Variants in TMTC2 observed in about 807,000 individuals in gnomAD.
TMTC2 encodes protein O-mannosyl-transferase TMTC2.
A neutral mutation model predicts 82.4 loss-of-function variants in TMTC2; 43 were observed. That is an observed-to-expected ratio of 0.52 (90% confidence interval 0.41 to 0.67). The LOEUF is 0.67. Among genes scored for constraint, TMTC2 ranks in the 30% least tolerant of loss-of-function variants. The pLI, the probability that TMTC2 is intolerant of heterozygous loss-of-function variation, is 0.00. For synonymous variants in TMTC2, 408 were observed against 381.9 expected (o/e 1.07, Z -0.80); for missense variants, 919 against 1,012.4 (o/e 0.91, Z 1.25).
intron 4 of TMTC2, among the ~76,000 whole-genome samples, chr12:82,949,218 A>G (rs1877211963): frequency 6.6e-6 from 1 of 152,220 alleles, no homozygotes; most frequent in Non-Finnish European, 1.5e-5. Context: ...TCCATGTTGG[A>G]TAGCACCTGC....
At chr12:82,893,819 T>A (rs912641773) in intron 2 of TMTC2, among the ~76,000 whole-genome samples, 3 of 152,204 alleles carry the variant, frequency 2.0e-5, no homozygotes, top group African/African-American at 7.2e-5. Flanking sequence ...TTCTAAGATC[T>A]TAAAAGTAAG....
chr12:82,800,672 A>G (rs547410612), intron 1 of TMTC2, among the ~76,000 whole-genome samples: 1 of 152,316 alleles, frequency 6.6e-6, no homozygotes, highest in Admixed American at 6.5e-5. Flanking sequence ...GAGCTTGGAA[A>G]TGTATGACTT....
At chr12:82,763,576 G>A (rs746100957) in intron 1 of TMTC2, among the ~76,000 whole-genome samples, 22 of 152,140 alleles carry the variant, frequency 1.4e-4, no homozygotes, top group Non-Finnish European at 2.6e-4. Flanking sequence ...AGAAGACACA[G>A]ACAAAAATAT....
chr12:82,777,729 A>T (rs890781694), intron 1 of TMTC2, among the ~76,000 whole-genome samples: 1 of 152,130 alleles, frequency 6.6e-6, no homozygotes, highest in African/African-American at 2.4e-5. Context: ...CCAAATGCCT[A>T]TTCTTGGCTT....
chr12:83,134,138 T>C lies in TMTC2; in HGVS notation c.*1749T>C, dbSNP rs538107988. 1 of 152,716 alleles carries C rather than the reference T, an allele frequency of 6.5e-6. No individual in the cohort carries two copies. Among genetic ancestry groups the C allele is most frequent in the African/African-American group, 2.4e-5 (1 of 41,570 alleles). The allele number at this position is 152,716 out of a possible 1,614,324, so 9.5% of individuals were successfully genotyped here. On this transcript the variant is annotated 3_prime_UTR_variant, in exon 12 of 12. Coordinates refer to ENST00000321196, the MANE Select transcript of TMTC2 (RefSeq NM_152588.3). Reference sequence around the variant, plus strand: ...AATAAGAAAGCCCTTCTGTAATATATATATTATTTTGTAAACATTTCACTG... The same window carrying C: ...AATAAGAAAGCCCTTCTGTAATATACATATTATTTTGTAAACATTTCACTG...
chr12:82,975,625 A>C (rs187007759), intron 7 of TMTC2, among the ~76,000 whole-genome samples: 13 of 152,312 alleles, frequency 8.5e-5, no homozygotes, highest in African/African-American at 3.1e-4. Flanking sequence ...TTAATATAGC[A>C]ATTTATAATA....
intron 1 of TMTC2, among the ~76,000 whole-genome samples, chr12:82,726,168 C>T (rs78314802): frequency 0.087 from 13,244 of 151,918 alleles, 797 homozygotes; most frequent in East Asian, 0.24. Flanking sequence ...GAAAGTAAGC[C>T]GTGATATATA....
intron 1 of TMTC2, among the ~76,000 whole-genome samples, chr12:82,826,108 TA>T (rs2137070172): frequency 6.6e-6 from 1 of 152,362 alleles, no homozygotes; most frequent in East Asian, 1.9e-4. Flanking sequence ...AATATTTAAG[TA>T]AACTTACTAA....
intron 1 of TMTC2, among the ~76,000 whole-genome samples, chr12:82,780,210 C>T (rs905716467): frequency 6.6e-6 from 1 of 152,102 alleles, no homozygotes; most frequent in Non-Finnish European, 1.5e-5. Context: ...AACTTGCATG[C>T]CTGCTGTGGA....
intron 4 of TMTC2, among the ~76,000 whole-genome samples, chr12:82,933,504 A>T (rs1876153859): frequency 6.6e-6 from 1 of 152,098 alleles, no homozygotes; most frequent in African/African-American, 2.4e-5. Context: ...TTCTATCTTA[A>T]CTCCTAAAAG....
In TMTC2 at chr12:83,122,968, C is replaced by T. The variant is rs141895157; in HGVS notation, c.2332-9242C>T. Among the ~76,000 whole-genome samples the T allele has an allele frequency of 4.4e-3, 670 of 152,254 alleles. 4 individuals are homozygous for T. Among genetic ancestry groups the T allele is most frequent in the Non-Finnish European group, 7.3e-3 (494 of 68,018 alleles). On this transcript the variant is annotated intron_variant, in intron 11 of 11. Transcript: ENST00000321196. Reference sequence around the variant, plus strand: ...ATCGTCTTTACTGAAGAATAATTTCCGGGGTAATATTCTTAAGTTAGTAGA... The same window carrying T: ...ATCGTCTTTACTGAAGAATAATTTCTGGGGTAATATTCTTAAGTTAGTAGA...
In TMTC2 at chr12:82,896,430, G is replaced by A. The variant is rs760933625; in HGVS notation, c.1267G>A (p.Val423Ile). Reference sequence around the variant, plus strand: ...TGTCGGCTTTGTAATTGCAGAGCGAGTATTATATATTCCTAGTATGGGCTT... The same window carrying A: ...TGTCGGCTTTGTAATTGCAGAGCGAATATTATATATTCCTAGTATGGGCTT... Reference protein sequence around the residue: ...FYVGFVIAERVLYIPSMGFCL... With the variant: ...FYVGFVIAERILYIPSMGFCL... Residue 423 changes from valine (V) to isoleucine (I), a missense_variant, in exon 3 of 12, where the codon GTA becomes ATA. Transcript: ENST00000321196. The A allele has an allele frequency of 6.2e-7, 1 of 1,614,184 alleles. No homozygotes were observed. The highest frequency in any genetic ancestry group is 8.5e-7 in the Non-Finnish European group (1 of 1,180,030).
chr12:83,011,325 C>T (rs1880447745), intron 8 of TMTC2, among the ~76,000 whole-genome samples: 1 of 152,122 alleles, frequency 6.6e-6, no homozygotes, highest in African/African-American at 2.4e-5. Flanking sequence ...AGTTATTTAA[C>T]TTCTCTTTAT....
chr12:82,919,109 A>G (rs2137224832), intron 3 of TMTC2, among the ~76,000 whole-genome samples: 1 of 152,342 alleles, frequency 6.6e-6, no homozygotes, highest in Non-Finnish European at 1.5e-5. Context: ...TCACAGTTTT[A>G]GAGACTGGGA....
intron 10 of TMTC2, among the ~76,000 whole-genome samples, chr12:83,058,647 T>A (rs1377817267): frequency 6.6e-6 from 1 of 151,862 alleles, no homozygotes; most frequent in Non-Finnish European, 1.5e-5. Context: ...ACGGAGCAAG[T>A]TGCCCATCTG....
intron 1 of TMTC2, among the ~76,000 whole-genome samples, chr12:82,755,345 C>T (rs1876243346): frequency 6.8e-6 from 1 of 148,142 alleles, no homozygotes; most frequent in African/African-American, 2.4e-5. Context: ...TGGGAAACCT[C>T]CTATATTCTT....
chr12:82,812,542 GA>G (rs1463600660), intron 1 of TMTC2, among the ~76,000 whole-genome samples: 9 of 151,996 alleles, frequency 5.9e-5, no homozygotes, highest in African/African-American at 2.2e-4. Flanking sequence ...AAATGAAATG[GA>G]ATTTTATTAA....
intron 7 of TMTC2, among the ~76,000 whole-genome samples, chr12:82,979,022 C>T (rs944130447): frequency 1.3e-5 from 2 of 151,520 alleles, no homozygotes; most frequent in Non-Finnish European, 3.0e-5. Flanking sequence ...TTTTGCTTTC[C>T]ATTTGTGTGG....
rs150054833 is a variant in TMTC2, at chr12:82,844,551, C to T, written c.84-12459C>T. Among the ~76,000 whole-genome samples the T allele has an allele frequency of 1.7e-3, 256 of 152,234 alleles. 1 individual carries two copies. The highest frequency in any genetic ancestry group is 5.9e-3 in the African/African-American group (247 of 41,544). On this transcript the variant is annotated intron_variant, in intron 1 of 11. Transcript: ENST00000321196. ...GCGCAGTGGCTCAAGCCTGTAATCC[C>T]AGCACTTTGGGTGGCCGAGGCGAGC...
Sources: gnomAD v4.1 joint callset for allele counts (sites outside exome capture counted in the v4.1 genomes callset) on GRCh38, gnomAD v4.1.1 for gene constraint, MANE v1.5 for transcripts, NCBI Gene and HGNC (gene_info 2026-07-23, HGNC 2026-07-21) for gene names.